The following PDE4D variants were observed in gnomAD, a reference collection of about 807,000 sequenced individuals.
The protein encoded by PDE4D is 3',5'-cyclic-AMP phosphodiesterase 4D.
Under a neutral mutation model 87.4 loss-of-function variants are expected in PDE4D, and 24 were observed. That is an observed-to-expected ratio of 0.27 (90% CI 0.20 to 0.39). PDE4D has a LOEUF of 0.39. Ranked by LOEUF, PDE4D falls within the 10% of genes least tolerant of loss-of-function variation. The pLI, the probability that PDE4D is intolerant of heterozygous loss-of-function variation, is 1.00. For synonymous variants in PDE4D, 384 were observed against 383.2 expected, an observed-to-expected ratio of 1.00 and a Z score of -0.02; for missense variants, 714 against 1,041.0, an observed-to-expected ratio of 0.69 and a Z score of 4.32.
intron 1 of PDE4D, among the ~76,000 whole-genome samples, chr5:59,688,555 G>A (rs943209746): frequency 6.6e-6 from 1 of 152,158 alleles, no homozygotes; most frequent in African/African-American, 2.4e-5. Flanking sequence ...GAATCTCTGG[G>A]ACATATTTAA....
chr5:59,590,970 G>C (rs1012682574), intron 1 of PDE4D, among the ~76,000 whole-genome samples: 1 of 152,118 alleles, frequency 6.6e-6, no homozygotes, highest in African/African-American at 2.4e-5. Flanking sequence ...ATGCTCATAA[G>C]AGTGAAGGTT....
chr5:59,002,009 T>C (rs778957813), intron 6 of PDE4D: 3 of 511,512 alleles, frequency 5.9e-6, no homozygotes, highest in South Asian at 2.9e-5. Flanking sequence ...CATTCAACTT[T>C]GTTAGCAAGC....
chr5:59,940,382 T>C (rs1757055152), intron 3 of PDE4D, among the ~76,000 whole-genome samples: 1 of 152,148 alleles, frequency 6.6e-6, no homozygotes, highest in Admixed American at 6.5e-5. Context: ...GGGCACCAGA[T>C]AGGAGACTTG....
intron 1 of PDE4D, among the ~76,000 whole-genome samples, chr5:59,582,540 T>C (rs1255217422): frequency 1.3e-5 from 2 of 152,220 alleles, no homozygotes; most frequent in African/African-American, 4.8e-5. Flanking sequence ...TATGAACACA[T>C]ATATGAATAT....
intron 1 of PDE4D, among the ~76,000 whole-genome samples, chr5:59,473,780 G>C (rs1802845248): frequency 6.6e-6 from 1 of 152,156 alleles, no homozygotes; most frequent in South Asian, 2.1e-4. Flanking sequence ...CAGGCTGAAA[G>C]AATGATGCAG....
intron 5 of PDE4D, among the ~76,000 whole-genome samples, chr5:59,157,759 G>T (rs1319906054): frequency 6.6e-6 from 1 of 152,036 alleles, no homozygotes; most frequent in Non-Finnish European, 1.5e-5. Flanking sequence ...TCTTGCTCCA[G>T]GAAACATTGC....
chr5:60,002,085 T>C (rs1260770399), intron 2 of PDE4D, among the ~76,000 whole-genome samples: 1 of 151,934 alleles, frequency 6.6e-6, no homozygotes, highest in Non-Finnish European at 1.5e-5. Context: ...GATTAAATTA[T>C]TCAATCAAAA....
chr5:60,046,431 C>T (rs995981487), intron 2 of PDE4D, among the ~76,000 whole-genome samples: 2 of 152,204 alleles, frequency 1.3e-5, no homozygotes, highest in African/African-American at 4.8e-5. Context: ...GAGAAGGCAT[C>T]CCTGTCTTGT....
At chr5:59,286,254 T>C (rs1213339589) in intron 1 of PDE4D, among the ~76,000 whole-genome samples, 1 of 152,196 alleles carries the variant, frequency 6.6e-6, no homozygotes, top group Non-Finnish European at 1.5e-5. Flanking sequence ...CTGGGTAAGA[T>C]GTTCCACATG....
chr5:59,234,668 G>A (rs544337295), intron 1 of PDE4D, among the ~76,000 whole-genome samples: 1 of 152,088 alleles, frequency 6.6e-6, no homozygotes, highest in East Asian at 1.9e-4. Context: ...GTTAAATGTA[G>A]TTACTTTTAC....
chr5:59,877,248 A>T (rs200789392), intron 1 of PDE4D, among the ~76,000 whole-genome samples: 1 of 152,316 alleles, frequency 6.6e-6, no homozygotes, highest in East Asian at 1.9e-4. Flanking sequence ...TAAGAGGTAT[A>T]TCAAATGCAA....
At chr5:59,371,995 T>C (rs555194230) in intron 1 of PDE4D, among the ~76,000 whole-genome samples, 1 of 152,374 alleles carries the variant, frequency 6.6e-6, no homozygotes, top group East Asian at 1.9e-4. Flanking sequence ...AATAAATGTA[T>C]GTTAAATGAA....
At chr5:59,147,932 A>G (rs1778906823) in intron 5 of PDE4D, among the ~76,000 whole-genome samples, 2 of 152,198 alleles carry the variant, frequency 1.3e-5, no homozygotes, top group Admixed American at 1.3e-4. Context: ...ATAACCAGTT[A>G]CGAATATCTC....
At position 59,970,317 on chromosome 5, in the gene PDE4D, A is replaced by C. The variant is rs557293832; in HGVS notation, c.272+18171T>G. On this transcript the variant is annotated intron_variant, in intron 3 of 16. Transcript: ENST00000502484. ...CATGGGCAAGGACTTCATGTCTAAA[A>C]CACCAAAAGCAATGGCAACAAAAGC... is the stretch of plus-strand genomic sequence containing the variant. Among the ~76,000 whole-genome samples, 5 of 152,288 alleles carry C rather than the reference A, an allele frequency of 3.3e-5. No individual in the cohort carries two copies. In the South Asian group the frequency reaches 6.2e-4, roughly 19 times the overall value.
At chr5:59,602,045 A>T (rs184774888) in intron 1 of PDE4D, among the ~76,000 whole-genome samples, 3 of 152,190 alleles carry the variant, frequency 2.0e-5, no homozygotes, top group Non-Finnish European at 4.4e-5. Context: ...AACTGAATTT[A>T]AAAACACAAT....
chr5:59,452,422 G>C (rs538027976), intron 1 of PDE4D, among the ~76,000 whole-genome samples: 35 of 152,244 alleles, frequency 2.3e-4, no homozygotes, highest in African/African-American at 7.9e-4. Context: ...GCCAAATAGG[G>C]GACTGTGAGG....
chr5:59,610,011 T>C (rs1828781192), intron 1 of PDE4D, among the ~76,000 whole-genome samples: 1 of 152,140 alleles, frequency 6.6e-6, no homozygotes, highest in African/African-American at 2.4e-5. Flanking sequence ...GTACTCTCCT[T>C]TCTACTCTGC....
intron 5 of PDE4D, among the ~76,000 whole-genome samples, chr5:59,066,991 T>G (rs113595031): frequency 9.2e-4 from 61 of 66,154 alleles, no homozygotes; most frequent in East Asian, 5.3e-3. Context: ...GCTCGTGATT[T>G]ATTTATTTAT....
At chr5:59,187,762 G>T (rs550869371) in intron 3 of PDE4D, among the ~76,000 whole-genome samples, 1 of 152,046 alleles carries the variant, frequency 6.6e-6, no homozygotes, top group African/African-American at 2.4e-5. Context: ...ATTATTTATT[G>T]TGTGTGTGTG....
Sources: allele counts gnomAD v4.1 joint callset (sites outside exome capture counted in the v4.1 genomes callset), GRCh38; gene constraint gnomAD v4.1.1; transcripts MANE v1.5; gene names NCBI Gene and HGNC (gene_info 2026-07-23, HGNC 2026-07-21).